The following KIAA0753 variants were observed in gnomAD, a reference collection of about 807,000 sequenced individuals.
The protein encoded by KIAA0753 is KIAA0753, also known as protein moonraker.
A neutral mutation model predicts 116.9 loss-of-function variants in KIAA0753; 114 were observed. That is an observed-to-expected ratio of 0.98 (90% confidence interval 0.84 to 1.14). The LOEUF (loss-of-function observed/expected upper bound fraction) is 1.14. Ranked by LOEUF, KIAA0753 falls within the 50% of genes most tolerant of loss-of-function variation. KIAA0753 has a pLI of 0.00. For missense variants in KIAA0753, 1,156 were observed against 1,172.4 expected (o/e 0.99, Z 0.20); for synonymous variants, 405 against 413.1 (o/e 0.98, Z 0.24).
At chr17:6,625,238 G>T (rs1971588245) in intron 3 of KIAA0753, among the ~76,000 whole-genome samples, 1 of 152,112 alleles carries the variant, frequency 6.6e-6, no homozygotes, top group African/African-American at 2.4e-5. Flanking sequence ...TTTATGTTTA[G>T]CAAGATTAGT....
At chr17:6,585,130 T>C (rs1049265604) in intron 18 of KIAA0753, among the ~76,000 whole-genome samples, 4 of 112,510 alleles carry the variant, frequency 3.6e-5, no homozygotes, top group Non-Finnish European at 6.9e-5. Flanking sequence ...TTATCTTTAA[T>C]TGATAATTTA....
Position 6,612,083 on chromosome 17 carries a change from C to A in KIAA0753, c.1381G>T (p.Asp461Tyr), listed in dbSNP as rs772041221. The change falls in exon 8 of 19, where the codon GAT becomes TAT. Residue 461 changes from aspartate (D) to tyrosine (Y), a missense_variant. Transcript: ENST00000361413. ...QRLQSELDVL[D>Y]ADIVLEEGPF... Reference sequence around the variant, plus strand: ...CCTTCTTCCAGAACTATATCCGCATCTAATACATCAAGCTCACTCTGCAAC... The same window carrying A: ...CCTTCTTCCAGAACTATATCCGCATATAATACATCAAGCTCACTCTGCAAC... 1.2e-6 allele frequency: 2 copies of A among 1,614,186 alleles called. No homozygotes were observed. Among genetic ancestry groups the A allele is most frequent in the South Asian group, 2.2e-5 (2 of 91,082 alleles).
intron 10 of KIAA0753, among the ~76,000 whole-genome samples, chr17:6,607,592 C>T (rs568589233): frequency 6.6e-6 from 1 of 152,086 alleles, no homozygotes; most frequent in Non-Finnish European, 1.5e-5. Context: ...AAACAATGAG[C>T]CCCCAGGAGC....
Position 6,610,120 on chromosome 17 carries a change from T to A in KIAA0753, c.1586A>T (p.His529Leu). The change falls in exon 9 of 19, where the codon CAC (histidine) becomes CTC (leucine). Residue 529 changes from histidine (H) to leucine (L), a missense_variant. Physicochemically the swap from His to Leu is moderately conservative, Grantham distance 99. Transcript: ENST00000361413. ...TGTCTGCTGCACTCTGCTTTTACTG[T>A]GAGGTTGGCTTTGTCTACCTCTTTC... is the stretch of plus-strand genomic sequence containing the variant. ...KAERGRQSQP[H>L]SKSRVQQTTV... 1 of 1,614,154 alleles carries A rather than the reference T, an allele frequency of 6.2e-7. No homozygotes were observed. The highest frequency in any genetic ancestry group is 2.2e-5 in the East Asian group (1 of 44,888).
intron 18 of KIAA0753, among the ~76,000 whole-genome samples, chr17:6,584,282 G>A (rs889904417): frequency 6.6e-6 from 1 of 152,150 alleles, no homozygotes; most frequent in Non-Finnish European, 1.5e-5. Context: ...CAGGACCCTG[G>A]CCCAGTTATT....
intron 7 of KIAA0753, among the ~76,000 whole-genome samples, chr17:6,613,796 T>C (rs1309132341): frequency 6.6e-6 from 1 of 152,222 alleles, no homozygotes; most frequent in Non-Finnish European, 1.5e-5. Flanking sequence ...TATAGCAGAC[T>C]ATCAGTATAA....
At chr17:6,634,548 C>G (rs1480228403) in intron 2 of KIAA0753, among the ~76,000 whole-genome samples, 1 of 152,042 alleles carries the variant, frequency 6.6e-6, no homozygotes, top group East Asian at 1.9e-4. Context: ...AGACATGCAA[C>G]GAAACAAGTA....
chr17:6,612,227 GATAGGCT>G lies in KIAA0753; in HGVS notation c.1316-86_1316-80del. 3.8e-6 allele frequency: 4 copies of G among 1,055,130 alleles called. No homozygotes were observed. In the South Asian group the frequency reaches 5.8e-5, roughly 15 times the overall value. The allele number at this position is 1,055,130 out of a possible 1,614,324, so 65.4% of individuals were successfully genotyped here. ...TGCTGAGAATGATTATCTACACACA[GATAGGCT>G]CCAAATACCTATCCTAGCCCTGCTG... is the stretch of plus-strand genomic sequence containing the variant. On this transcript the variant is annotated intron_variant, in intron 7 of 18. Coordinates refer to ENST00000361413, the MANE Select transcript of KIAA0753 (RefSeq NM_014804.3).
intron 6 of KIAA0753, 86 bp from the exon 7 acceptor site, chr17:6,621,084 G>A (rs1971293154): frequency 8.2e-7 from 1 of 1,223,536 alleles, no homozygotes; most frequent in Non-Finnish European, 1.2e-6. Flanking sequence ...AGGACTCCAG[G>A]GAAATGTGTT....
chr17:6,638,868 A>G (rs948439315), intron 1 of KIAA0753: 3 of 153,180 alleles, frequency 2.0e-5, no homozygotes, highest in Non-Finnish European at 1.4e-5. Context: ...GTACCCCTGT[A>G]GCCTGTTGTA....
At chr17:6,633,704 A>T (rs1171666579) in intron 2 of KIAA0753, among the ~76,000 whole-genome samples, 2 of 152,226 alleles carry the variant, frequency 1.3e-5, no homozygotes, top group Non-Finnish European at 2.9e-5. Flanking sequence ...AGAAAAAAGG[A>T]TTAAAAAGGA....
At position 6,606,936 on chromosome 17, in the gene KIAA0753, G is replaced by T. The variant is rs768711157; in HGVS notation, c.1946C>A (p.Ser649Tyr). Residue 649 changes from serine (S) to tyrosine (Y), a missense_variant, in exon 12 of 19, where the codon TCT (serine) becomes TAT (tyrosine). Physicochemically the swap from Ser to Tyr is moderately radical, Grantham distance 144. Transcript: ENST00000361413. ...QRLDWLDAET[S>Y]RRTKELNELK... ...CTCATTCAGTTCCTTTGTTCTTCTA[G>T]AAGTTTCAGCATCAAGCCAATCAAG... The T allele has an allele frequency of 1.2e-6, 2 of 1,613,936 alleles. No individual in the cohort carries two copies. The highest frequency in any genetic ancestry group is 1.7e-5 in the Admixed American group (1 of 59,992).
At chr17:6,602,611 G>C (rs1223507132) in intron 12 of KIAA0753, among the ~76,000 whole-genome samples, 1 of 152,184 alleles carries the variant, frequency 6.6e-6, no homozygotes. Flanking sequence ...GTGAGGGATG[G>C]GGGTGTGGAG....
intron 2 of KIAA0753, among the ~76,000 whole-genome samples, chr17:6,634,515 C>T (rs745409094): frequency 5.3e-5 from 8 of 152,162 alleles, no homozygotes; most frequent in Non-Finnish European, 8.8e-5. Context: ...ATGGATGGAT[C>T]TCTAGAGGGA....
Position 6,590,596 on chromosome 17 carries a change from T to TA in KIAA0753, c.2474dup (p.Ser826IlefsTer27). The TA allele has an allele frequency of 6.2e-7, 1 of 1,613,988 alleles. No individual in the cohort carries two copies. Among genetic ancestry groups the TA allele is most frequent in the Non-Finnish European group, 8.5e-7 (1 of 1,179,900 alleles). On this transcript the variant is annotated frameshift_variant, in exon 17 of 19. Coordinates refer to ENST00000361413, the MANE Select transcript of KIAA0753 (RefSeq NM_014804.3). LOFTEE classifies it high-confidence loss of function. ...TCGTGATTCTGATTGGATGAGGAGA[T>TA]AGAGGCTTTTCACTTATTGCTGAGA...
chr17:6,630,364 C>A (rs1390658846), intron 2 of KIAA0753, among the ~76,000 whole-genome samples: 4 of 151,974 alleles, frequency 2.6e-5, no homozygotes, highest in African/African-American at 9.7e-5. Context: ...CAGGCGCCCT[C>A]ATAGAAGAGG....
rs947538087 is a variant in KIAA0753, at chr17:6,600,472, A to G, written c.2010-14T>C. The G allele has an allele frequency of 6.3e-7, 1 of 1,595,706 alleles. No individual in the cohort carries two copies. The highest frequency in any genetic ancestry group is 8.6e-7 in the Non-Finnish European group (1 of 1,163,926). ...GTGGCAGAAACACTATTTAGAAATA[A>G]AATTGAAAATTAAAATCAAAGGCAA... On this transcript the variant is annotated splice_polypyrimidine_tract_variant and intron_variant, in intron 12 of 18. Transcript: ENST00000361413.
At chr17:6,609,476 ACAT>A (rs1567561294) in intron 9 of KIAA0753, among the ~76,000 whole-genome samples, 1 of 152,188 alleles carries the variant, frequency 6.6e-6, no homozygotes, top group Non-Finnish European at 1.5e-5. Flanking sequence ...CAAGACAGTA[ACAT>A]CAACATTATC....
intron 12 of KIAA0753, among the ~76,000 whole-genome samples, chr17:6,606,329 T>A (rs1216408465): frequency 6.6e-6 from 1 of 152,180 alleles, no homozygotes; most frequent in Admixed American, 6.5e-5. Context: ...TAGGATGAAT[T>A]ATTATCAGAG....
Sources: allele counts gnomAD v4.1 joint callset (sites outside exome capture counted in the v4.1 genomes callset), GRCh38; gene constraint gnomAD v4.1.1; transcripts MANE v1.5; gene names NCBI Gene and HGNC (gene_info 2026-07-23, HGNC 2026-07-21).